SPATC1: variants seen among roughly 807,000 people sequenced by gnomAD.
SPATC1 encodes spermatogenesis and centriole associated 1.
In SPATC1, 35 loss-of-function variants were observed where a neutral mutation model predicts 36.5. The ratio of observed to expected loss-of-function variants is 0.96; its 90% CI spans 0.73 to 1.27. SPATC1 has a LOEUF of 1.27. SPATC1 is among the 50% of genes most tolerant of loss of function. The pLI is 0.00. For missense variants in SPATC1, 779 were observed against 796.0 expected (o/e 0.98, Z 0.26); for synonymous variants, 361 against 353.6 (o/e 1.02, Z -0.24).
At chr8:144,030,496 T>G in intron 1 of SPATC1, among the ~76,000 whole-genome samples, 1 of 152,150 alleles carries the variant, frequency 6.6e-6, no homozygotes, top group East Asian at 1.9e-4. Flanking sequence ...GTAGTTGGGA[T>G]TACAGGCATC....
In SPATC1 at chr8:144,040,592, A is replaced by G; in HGVS notation, c.791A>G (p.Gln264Arg). The G allele has an allele frequency of 6.3e-7, 1 of 1,588,398 alleles. No individual in the cohort carries two copies. The highest frequency in any genetic ancestry group is 8.6e-7 in the Non-Finnish European group (1 of 1,168,864). The change falls in exon 3 of 5, where the codon CAG (glutamine) becomes CGG (arginine). Residue 264 changes from glutamine to arginine, a missense_variant. Physicochemically the swap from Gln to Arg is conservative, Grantham distance 43. Transcript: ENST00000377470. ...TKVPLSTEPP[Q>R]STQDPEPLSM... ...GTCCCACTCTCCACTGAGCCCCCCC[A>G]GTCGACCCAGGACCCAGAGCCTCTC...
intron 4 of SPATC1, among the ~76,000 whole-genome samples, chr8:144,042,905 G>C (rs1381677886): frequency 2.0e-5 from 3 of 151,960 alleles, no homozygotes; most frequent in South Asian, 2.1e-4. Context: ...GAGTGTAGTG[G>C]CATAATTATG....
At chr8:144,032,668 T>C (rs1374534083) in intron 1 of SPATC1, among the ~76,000 whole-genome samples, 1 of 152,130 alleles carries the variant, frequency 6.6e-6, no homozygotes, top group Non-Finnish European at 1.5e-5. Context: ...CTCCCCAGGG[T>C]TTATTGCTGC....
At chr8:144,020,994 C>T (rs1245687252) in intron 1 of SPATC1, among the ~76,000 whole-genome samples, 11 of 145,590 alleles carry the variant, frequency 7.6e-5, no homozygotes, top group African/African-American at 2.6e-4. Flanking sequence ...CCCTCAGGAA[C>T]CTCTTCCCTG....
intron 1 of SPATC1, among the ~76,000 whole-genome samples, chr8:144,030,778 T>C (rs1219168424): frequency 2.0e-5 from 3 of 152,206 alleles, no homozygotes; most frequent in Non-Finnish European, 2.9e-5. Context: ...ACTTTTTTTT[T>C]CCTGTACATT....
intron 4 of SPATC1, 85 bp downstream of exon 4, chr8:144,041,456 C>T: frequency 6.5e-7 from 1 of 1,532,264 alleles, no homozygotes; most frequent in Non-Finnish European, 8.8e-7. Flanking sequence ...CCAGGCCAAA[C>T]TTGCCAGGAC....
At chr8:144,041,638 C>T (rs190292251) in intron 4 of SPATC1, among the ~76,000 whole-genome samples, 2 of 152,322 alleles carry the variant, frequency 1.3e-5, no homozygotes, top group Admixed American at 6.5e-5. Context: ...CCTCTGTGGA[C>T]GCACTTGGAG....
rs200187840 is a variant in SPATC1, at chr8:144,012,688, G to A, written c.173G>A (p.Gly58Asp). Reference protein sequence around the residue: ...LGISGFTSGLGEATAGLSSRQ... With the variant: ...LGISGFTSGLDEATAGLSSRQ... ...ATCAGCGGGTTCACGAGTGGGCTTG[G>A]TGAGGCAACAGCAGGCCTTTCCTCA... Residue 58 changes from glycine (G) to aspartate (D), a missense_variant, in exon 1 of 5, where the codon GGT becomes GAT. Physicochemically the swap from Gly to Asp is moderately conservative, Grantham distance 94. Coordinates refer to ENST00000377470, the MANE Select transcript of SPATC1 (RefSeq NM_198572.3). The A allele has an allele frequency of 1.1e-3, 1,743 of 1,551,710 alleles. 4 individuals are homozygous for A. The highest frequency in any genetic ancestry group is 1.4e-3 in the Non-Finnish European group (1,610 of 1,146,986).
intron 1 of SPATC1, among the ~76,000 whole-genome samples, chr8:144,033,122 A>G (rs963316336): frequency 1.8e-4 from 28 of 151,836 alleles, no homozygotes; most frequent in Non-Finnish European, 3.8e-4. Flanking sequence ...TAGGCTGGGC[A>G]CAGTGGCTCA....
intron 4 of SPATC1, among the ~76,000 whole-genome samples, chr8:144,043,195 A>G (rs1315850822): frequency 6.6e-6 from 1 of 151,496 alleles, no homozygotes; most frequent in East Asian, 2.0e-4. Context: ...GGGTTTTGCC[A>G]TGTTGGCCAG....
chr8:144,012,230 C>T (rs191089657), upstream of SPATC1, among the ~76,000 whole-genome samples: 339 of 152,316 alleles, frequency 2.2e-3, 1 homozygote, highest in Middle Eastern at 6.8e-3. Context: ...GGAAGTTTCA[C>T]GGAAGAGGCA....
chr8:144,035,787 C>T (rs1170604503), intron 1 of SPATC1, among the ~76,000 whole-genome samples: 2 of 152,238 alleles, frequency 1.3e-5, no homozygotes, highest in Non-Finnish European at 2.9e-5. Flanking sequence ...GGACCACCGG[C>T]GCTCCTTAGG....
intron 1 of SPATC1, 138 bp from the exon 2 acceptor site, chr8:144,039,771 C>A: frequency 1.1e-6 from 1 of 873,248 alleles, no homozygotes; most frequent in Non-Finnish European, 1.8e-6. Context: ...GGCTCAGAGA[C>A]CAGGTCGGAC....
chr8:144,015,433 A>T lies in SPATC1; in HGVS notation c.211+2707A>T, dbSNP rs535640047. ...TAAAAAATAAAACATCTATATATTT[A>T]AAAAAAAAAGAAAGAAAGAAAATGT... On this transcript the variant is annotated intron_variant, in intron 1 of 4. Transcript: ENST00000377470. 1.8e-4 allele frequency among the ~76,000 whole-genome samples: 26 copies of T among 147,396 alleles called. No homozygotes were observed. In the South Asian group the frequency reaches 2.7e-3, roughly 16 times the overall value.
chr8:144,020,992 AACCTCTT>A (rs1834513254), intron 1 of SPATC1, among the ~76,000 whole-genome samples: 1 of 135,530 alleles, frequency 7.4e-6, no homozygotes, highest in Non-Finnish European at 1.6e-5. Flanking sequence ...TCCCCTCAGG[AACCTCTT>A]CCCTGACAAC....
chr8:144,012,449 G>A lies in SPATC1; in HGVS notation c.-67G>A, dbSNP rs894263950. 54 of 1,421,112 alleles carry A rather than the reference G, an allele frequency of 3.8e-5. No individual in the cohort carries two copies. The highest frequency in any genetic ancestry group is 8.0e-5 in the Admixed American group (4 of 50,300). 88.0% of individuals were successfully genotyped at this position (1,421,112 alleles called of 1,614,324 possible). ...CCCTCCTTCAGCCCAGGCAAGGCCT[G>A]GGGCCCTGGGCAGCCTCCAGGTGCA... On this transcript the variant is annotated 5_prime_UTR_variant, in exon 1 of 5. Transcript: ENST00000377470.
intron 1 of SPATC1, among the ~76,000 whole-genome samples, chr8:144,037,887 T>G (rs1267555505): frequency 2.6e-5 from 4 of 151,436 alleles, no homozygotes; most frequent in Non-Finnish European, 4.4e-5. Context: ...CCCAGCACTT[T>G]GGGAGGCCAA....
chr8:144,037,939 C>A (rs1301805823), intron 1 of SPATC1, among the ~76,000 whole-genome samples: 2 of 149,930 alleles, frequency 1.3e-5, no homozygotes, highest in Non-Finnish European at 3.0e-5. Flanking sequence ...ACCATCCTGG[C>A]TAACACGGTG....
intron 1 of SPATC1, among the ~76,000 whole-genome samples, chr8:144,020,195 C>T (rs1834478306): frequency 6.6e-6 from 1 of 151,916 alleles, no homozygotes. Flanking sequence ...GCTCAGGACC[C>T]TCTTCCCTCA....
Sources: allele counts gnomAD v4.1 joint callset (sites outside exome capture counted in the v4.1 genomes callset), GRCh38; gene constraint gnomAD v4.1.1; transcripts MANE v1.5; gene names NCBI Gene and HGNC (gene_info 2026-07-23, HGNC 2026-07-21).